Variants in CWC27 observed in about 807,000 individuals in gnomAD.
CWC27 encodes the protein spliceosome-associated protein CWC27 homolog.
In CWC27, 47 loss-of-function variants were observed where a neutral mutation model predicts 63.6. The observed-to-expected ratio is 0.74, with a 90% CI of 0.58 to 0.94. The LOEUF (loss-of-function observed/expected upper bound fraction) is 0.94. Among genes scored for constraint, CWC27 ranks in the 40% least tolerant of loss-of-function variants. The pLI, the probability that CWC27 is intolerant of heterozygous loss-of-function variation, is 0.00. For synonymous variants in CWC27, 175 were observed against 179.8 expected (o/e 0.97, Z 0.22); for missense variants, 495 against 554.3 (o/e 0.89, Z 1.07).
intron 11 of CWC27, among the ~76,000 whole-genome samples, chr5:64,929,705 CGG>C (rs900332268): frequency 1.3e-5 from 2 of 151,486 alleles, no homozygotes; most frequent in Non-Finnish European, 2.9e-5. Flanking sequence ...TTTAAGGTAA[CGG>C]AGGAACCAAC....
At position 64,769,005 on chromosome 5, in the gene CWC27, C is replaced by T. The variant is rs1743137269; in HGVS notation, c.-142C>T. Reference sequence around the variant, plus strand: ...TTGGGCAGGGGTAGTGTTTGGTGTCCCTGTCTTGCGTGATATTGACAAACT... The same window carrying T: ...TTGGGCAGGGGTAGTGTTTGGTGTCTCTGTCTTGCGTGATATTGACAAACT... On this transcript the variant is annotated 5_prime_UTR_variant, in exon 1 of 14. Coordinates refer to ENST00000381070, the MANE Select transcript of CWC27 (RefSeq NM_005869.4). 1 of 696,324 alleles carries T rather than the reference C, an allele frequency of 1.4e-6. No homozygotes were observed. The highest frequency in any genetic ancestry group is 1.7e-5 in the South Asian group (1 of 59,214). 43.1% of individuals were successfully genotyped at this position (696,324 alleles called of 1,614,324 possible). A position where few individuals can be genotyped will look rare whatever the true frequency, so the allele number is the denominator to read the frequency against.
chr5:64,995,318 A>C (rs1561183262), intron 13 of CWC27, among the ~76,000 whole-genome samples: 1 of 152,086 alleles, frequency 6.6e-6, no homozygotes, highest in Non-Finnish European at 1.5e-5. Flanking sequence ...CCAGTTTGTC[A>C]TTGCCTTACA....
chr5:64,871,913 T>C (rs1746684741), intron 10 of CWC27, among the ~76,000 whole-genome samples: 1 of 152,036 alleles, frequency 6.6e-6, no homozygotes, highest in Admixed American at 6.6e-5. Context: ...AGCAAAATAC[T>C]TCCTGGGAGA....
chr5:64,914,305 G>A (rs1451882795), intron 11 of CWC27, among the ~76,000 whole-genome samples: 1 of 152,048 alleles, frequency 6.6e-6, no homozygotes, highest in African/African-American at 2.4e-5. Flanking sequence ...AACATTTGCT[G>A]AACTTTTACT....
intron 11 of CWC27, among the ~76,000 whole-genome samples, chr5:64,937,921 C>CTTTTTTT (rs1211082437): frequency 7.0e-5 from 7 of 99,298 alleles, no homozygotes; most frequent in African/African-American, 2.7e-4. Flanking sequence ...GCAATCTCTG[C>CTTTTTTT]TTTTTTTTTT....
At chr5:64,923,479 C>G (rs1369483532) in intron 11 of CWC27, among the ~76,000 whole-genome samples, 1 of 150,614 alleles carries the variant, frequency 6.6e-6, no homozygotes, top group African/African-American at 2.5e-5. Context: ...CCAGCTTCCT[C>G]CCTCTTCAGT....
chr5:64,929,413 C>T (rs1748190135), intron 11 of CWC27, among the ~76,000 whole-genome samples: 1 of 152,070 alleles, frequency 6.6e-6, no homozygotes, highest in African/African-American at 2.4e-5. Flanking sequence ...ATGATGGTGG[C>T]ACATCAAGAC....
chr5:64,825,556 C>A (rs888275020), intron 10 of CWC27, among the ~76,000 whole-genome samples: 1 of 152,152 alleles, frequency 6.6e-6, no homozygotes, highest in Non-Finnish European at 1.5e-5. Flanking sequence ...TTCTGCTCTT[C>A]CCCTTTTTCT....
At chr5:64,841,290 C>G (rs988384672) in intron 10 of CWC27, among the ~76,000 whole-genome samples, 1 of 152,124 alleles carries the variant, frequency 6.6e-6, no homozygotes, top group African/African-American at 2.4e-5. Flanking sequence ...GTTTCAGGAG[C>G]TCACACCCAT....
chr5:64,810,583 A>C (rs996282646), intron 10 of CWC27, among the ~76,000 whole-genome samples: 11 of 152,022 alleles, frequency 7.2e-5, no homozygotes, highest in Non-Finnish European at 1.0e-4. Flanking sequence ...TCAATGTTAC[A>C]TAGTTTTCAG....
chr5:64,912,508 G>C (rs903418061), intron 11 of CWC27, among the ~76,000 whole-genome samples: 15 of 151,526 alleles, frequency 9.9e-5, no homozygotes, highest in African/African-American at 3.6e-4. Flanking sequence ...TAAACCTAAA[G>C]AAAGAAGGAA....
chr5:64,989,278 T>G (rs1315663615), intron 13 of CWC27, among the ~76,000 whole-genome samples: 1 of 152,238 alleles, frequency 6.6e-6, no homozygotes, highest in Non-Finnish European at 1.5e-5. Flanking sequence ...CTTTTAAGAT[T>G]TCTGTATAAC....
intron 13 of CWC27, among the ~76,000 whole-genome samples, chr5:64,980,720 T>G (rs2112450022): frequency 6.6e-6 from 1 of 152,302 alleles, no homozygotes; most frequent in African/African-American, 2.4e-5. Flanking sequence ...GTATTTAGTA[T>G]TATAAAAATT....
chr5:64,822,113 T>C (rs2112248053), intron 10 of CWC27, among the ~76,000 whole-genome samples: 1 of 152,294 alleles, frequency 6.6e-6, no homozygotes, highest in South Asian at 2.1e-4. Flanking sequence ...GTTACATGAT[T>C]AGGGTTTGTT....
At chr5:64,958,463 G>T (rs1015391400) in intron 11 of CWC27, among the ~76,000 whole-genome samples, 1 of 152,088 alleles carries the variant, frequency 6.6e-6, no homozygotes, top group Non-Finnish European at 1.5e-5. Flanking sequence ...CAAATTTTAT[G>T]TTGTGATTCT....
rs1747045727 is a variant in CWC27, at chr5:64,885,470, A to G, written c.966A>G (p.Gln322=). The G allele has an allele frequency of 6.2e-7, 1 of 1,609,354 alleles. No individual in the cohort carries two copies. Among genetic ancestry groups the G allele is most frequent in the Non-Finnish European group, 8.5e-7 (1 of 1,177,840 alleles). ...AAGAGCTCAGAAAAGAAGCAAGACA[A>G]TTAAAACGGGAACTCTTAGCAGCAA... The part of the protein sequence containing the change: ...RSEELRKEAR[Q]LKRELLAAKQ... Residue 322 remains glutamine, a synonymous_variant, in exon 11 of 14, where the codon CAA becomes CAG. Transcript: ENST00000381070.
intron 11 of CWC27, among the ~76,000 whole-genome samples, chr5:64,910,379 G>A (rs1432632050): frequency 1.3e-5 from 2 of 152,210 alleles, no homozygotes; most frequent in Admixed American, 1.3e-4. Flanking sequence ...ACTGGGAGGT[G>A]TCTCTCAGTT....
At chr5:65,015,423 A>C (rs933572075) in intron 13 of CWC27, among the ~76,000 whole-genome samples, 2 of 152,246 alleles carry the variant, frequency 1.3e-5, no homozygotes, top group African/African-American at 4.8e-5. Context: ...TATTGATGAA[A>C]GTGTTTTAAA....
chr5:64,851,509 G>C (rs577260661), intron 10 of CWC27, among the ~76,000 whole-genome samples: 4 of 152,232 alleles, frequency 2.6e-5, no homozygotes, highest in Middle Eastern at 3.4e-3. Flanking sequence ...TAACAATGGA[G>C]TATTATACAT....
Sources: allele counts gnomAD v4.1 joint callset (sites outside exome capture counted in the v4.1 genomes callset), GRCh38; gene constraint gnomAD v4.1.1; transcripts MANE v1.5; gene names NCBI Gene and HGNC (gene_info 2026-07-23, HGNC 2026-07-21).